KLF7: variants seen among roughly 807,000 people sequenced by gnomAD.
The protein encoded by KLF7 is Krueppel-like factor 7.
In KLF7, 2 loss-of-function variants were observed where a neutral mutation model predicts 27.3. The ratio of observed to expected loss-of-function variants is 0.07; its 90% CI spans 0.03 to 0.23. KLF7 has a LOEUF of 0.23. KLF7 is among the 10% of genes least tolerant of loss of function. The pLI, the probability that KLF7 is intolerant of heterozygous loss-of-function variation, is 1.00. For synonymous variants in KLF7, 165 were observed against 162.4 expected (o/e 1.02, Z -0.12); for missense variants, 221 against 394.1 (o/e 0.56, Z 3.72).
chr2:207,094,445 C>A (rs1218242901), intron 2 of KLF7, among the ~76,000 whole-genome samples: 2 of 152,108 alleles, frequency 1.3e-5, no homozygotes, highest in African/African-American at 2.4e-5. Flanking sequence ...GGAAACTCTG[C>A]AGATCAGGAA....
At chr2:207,160,050 A>G (rs1451152672) in intron 1 of KLF7, among the ~76,000 whole-genome samples, 1 of 152,210 alleles carries the variant, frequency 6.6e-6, no homozygotes, top group Non-Finnish European at 1.5e-5. Flanking sequence ...GAATAAGGAT[A>G]TGTATATTCT....
upstream of KLF7, chr2:207,166,204 A>AG (rs1402649661): frequency 1.0e-5 from 10 of 985,018 alleles, no homozygotes; most frequent in Non-Finnish European, 1.2e-5. Context: ...TAAGGTAAAC[A>AG]GGGGGCTCAT....
chr2:207,132,390 G>A (rs2077659749), intron 1 of KLF7, among the ~76,000 whole-genome samples: 2 of 152,208 alleles, frequency 1.3e-5, no homozygotes, highest in Admixed American at 1.3e-4. Context: ...GAGAGACAAT[G>A]CTGTGAAAAC....
intron 1 of KLF7, among the ~76,000 whole-genome samples, chr2:207,149,487 T>C (rs2078184409): frequency 6.6e-6 from 1 of 152,300 alleles, no homozygotes; most frequent in African/African-American, 2.4e-5. Context: ...TGCTCAGCGG[T>C]GGTGCTGTCC....
At chr2:207,133,965 C>G in intron 1 of KLF7, 1 of 826,538 alleles carries the variant, frequency 1.2e-6, no homozygotes, top group Non-Finnish European at 1.8e-6. Flanking sequence ...CATTATTAAT[C>G]CTGTTTTACA....
chr2:207,091,737 GT>G (rs1478773258), intron 2 of KLF7, among the ~76,000 whole-genome samples: 1 of 152,096 alleles, frequency 6.6e-6, no homozygotes, highest in African/African-American at 2.4e-5. Flanking sequence ...TTGTTTCCAG[GT>G]TCTATACCCA....
chr2:207,106,458 A>G (rs2076885633), intron 2 of KLF7, among the ~76,000 whole-genome samples: 1 of 152,252 alleles, frequency 6.6e-6, no homozygotes, highest in Admixed American at 6.5e-5. Flanking sequence ...TGAGATGAAA[A>G]AAAATTGATT....
At chr2:207,133,557 C>T (rs959039377) in intron 1 of KLF7, among the ~76,000 whole-genome samples, 5 of 152,190 alleles carry the variant, frequency 3.3e-5, no homozygotes, top group African/African-American at 4.8e-5. Flanking sequence ...ATGGCCCTGT[C>T]GCTTTTTCAG....
intron 2 of KLF7, among the ~76,000 whole-genome samples, chr2:207,122,813 T>A (rs1048653516): frequency 2.6e-5 from 4 of 152,070 alleles, no homozygotes; most frequent in Non-Finnish European, 5.9e-5. Flanking sequence ...CCTATTCAGC[T>A]CGCAGTGTGC....
intron 2 of KLF7, among the ~76,000 whole-genome samples, chr2:207,119,518 G>A (rs980461383): frequency 6.6e-6 from 1 of 151,696 alleles, no homozygotes; most frequent in African/African-American, 2.4e-5. Flanking sequence ...GGATTATTTA[G>A]CTGACTCAAG....
intron 1 of KLF7, among the ~76,000 whole-genome samples, chr2:207,164,227 G>C (rs767664937): frequency 1.3e-5 from 2 of 152,166 alleles, no homozygotes; most frequent in South Asian, 4.1e-4. Context: ...TTTGGATCCC[G>C]GCAGAGGAAA....
chr2:207,095,976 T>G (rs966193028), intron 2 of KLF7, among the ~76,000 whole-genome samples: 3 of 152,206 alleles, frequency 2.0e-5, no homozygotes, highest in African/African-American at 7.2e-5. Context: ...TTTGCATATA[T>G]TTCTATTTTG....
chr2:207,113,089 CAAG>C (rs1366109312), intron 2 of KLF7, among the ~76,000 whole-genome samples: 1 of 152,162 alleles, frequency 6.6e-6, no homozygotes, highest in Non-Finnish European at 1.5e-5. Flanking sequence ...ACTCTGATAT[CAAG>C]AAGAATGGCT....
At chr2:207,109,415 A>G (rs1246524341) in intron 2 of KLF7, among the ~76,000 whole-genome samples, 1 of 152,212 alleles carries the variant, frequency 6.6e-6, no homozygotes, top group Non-Finnish European at 1.5e-5. Flanking sequence ...ACTGATCTCT[A>G]AAGGAAAAAC....
At chr2:207,140,797 G>C (rs1448394448) in intron 1 of KLF7, among the ~76,000 whole-genome samples, 1 of 152,192 alleles carries the variant, frequency 6.6e-6, no homozygotes, top group Non-Finnish European at 1.5e-5. Context: ...TTGTGATTCA[G>C]AAATGTATGC....
chr2:207,138,858 A>G (rs374251748), intron 1 of KLF7, among the ~76,000 whole-genome samples: 4 of 152,364 alleles, frequency 2.6e-5, no homozygotes, highest in Non-Finnish European at 4.4e-5. Flanking sequence ...GCCTTAAATA[A>G]GGAGATATTT....
At chr2:207,103,558 C>T (rs769242391) in intron 2 of KLF7, among the ~76,000 whole-genome samples, 2 of 152,218 alleles carry the variant, frequency 1.3e-5, no homozygotes, top group African/African-American at 4.8e-5. Flanking sequence ...AAGGAAATCT[C>T]GCTTCTTTTC....
chr2:207,115,107 A>G (rs2077143823), intron 2 of KLF7, among the ~76,000 whole-genome samples: 1 of 152,194 alleles, frequency 6.6e-6, no homozygotes, highest in African/African-American at 2.4e-5. Flanking sequence ...TTTATTTTGC[A>G]AACAAAATAA....
chr2:207,145,855 A>C (rs2106082316), intron 1 of KLF7, among the ~76,000 whole-genome samples: 1 of 152,322 alleles, frequency 6.6e-6, no homozygotes, highest in South Asian at 2.1e-4. Context: ...GAAAGGAAGA[A>C]AGAGATAAGG....
Sources: allele counts gnomAD v4.1 joint callset (sites outside exome capture counted in the v4.1 genomes callset), GRCh38; gene constraint gnomAD v4.1.1; transcripts MANE v1.5; gene names NCBI Gene and HGNC (gene_info 2026-07-23, HGNC 2026-07-21).